WDHD1: variants seen among roughly 807,000 people sequenced by gnomAD.
WDHD1 encodes WD repeat and HMG-box DNA binding protein 1.
WDHD1 carries 111 observed loss-of-function variants against 135.4 expected under a neutral mutation model. That is an observed-to-expected ratio of 0.82 (90% CI 0.70 to 0.96). The LOEUF (loss-of-function observed/expected upper bound fraction) is 0.96. WDHD1 is among the 40% of genes least tolerant of loss of function. The probability of loss-of-function intolerance (pLI) is 0.00; values close to 1 mark genes in which losing one functional copy is unlikely to be tolerated. For missense variants in WDHD1, 1,351 were observed against 1,336.3 expected (o/e 1.01, Z -0.17); for synonymous variants, 434 against 439.0 (o/e 0.99, Z 0.14).
In WDHD1 at chr14:54,967,304, A is replaced by T; in HGVS notation, c.2154T>A (p.Ile718=). The stretch of plus-strand genomic sequence containing the variant: ...CCTCCATTTGTCCTTTCTCTGTTGC[A>T]ATCTGACAGTAAGGAAGCTTAAAGG... ...ILSFKLPYCQ[I]ATEKGQMEEQ... Residue 718 remains isoleucine (I), a synonymous_variant, in exon 17 of 26, where the codon ATT becomes ATA. Transcript: ENST00000360586. 6.2e-7 allele frequency: 1 copy of T among 1,611,990 alleles called. No individual in the cohort carries two copies. The highest frequency in any genetic ancestry group is 8.5e-7 in the Non-Finnish European group (1 of 1,178,610).
At chr14:54,983,164 A>G (rs1050242456) in intron 15 of WDHD1, among the ~76,000 whole-genome samples, 2 of 151,866 alleles carry the variant, frequency 1.3e-5, no homozygotes, top group Admixed American at 6.6e-5. Flanking sequence ...ACTCTGCGTC[A>G]AAAAAACCAC....
rs1271406087 is a variant in WDHD1 at position 55,008,646 on chromosome 14, C to T, written c.415G>A (p.Val139Ile). 1 of 1,612,484 alleles carries T rather than the reference C, an allele frequency of 6.2e-7. No homozygotes were observed. Among genetic ancestry groups the T allele is most frequent in the East Asian group, 2.2e-5 (1 of 44,864 alleles). ...QKTFRGHDAP[V>I]LSLSFDPKDI... is the part of the protein sequence containing the mutation. ...TTAGGATCAAAGGAAAGACTTAAAA[C>T]AGGGGCATCATGTCCTCGAAATGTT... The change falls in exon 5 of 26, where the codon GTT becomes ATT. Residue 139 changes from valine to isoleucine, a missense_variant. Coordinates refer to ENST00000360586, the MANE Select transcript of WDHD1 (RefSeq NM_007086.4).
intron 24 of WDHD1, among the ~76,000 whole-genome samples, chr14:54,954,822 C>A (rs1249715005): frequency 6.6e-6 from 1 of 152,098 alleles, no homozygotes; most frequent in Non-Finnish European, 1.5e-5. Flanking sequence ...CTCCGCGTCC[C>A]GGGTTCAAGT....
At chr14:55,005,700 C>A in intron 7 of WDHD1, 1 of 471,710 alleles carries the variant, frequency 2.1e-6, no homozygotes, top group South Asian at 1.9e-5. Flanking sequence ...TGAAAGTTTC[C>A]CTTTAAGTTA....
chr14:54,991,140 CA>C, intron 12 of WDHD1, 72 bp downstream of exon 12: 3 of 796,064 alleles, frequency 3.8e-6, no homozygotes, highest in Non-Finnish European at 6.0e-6. Context: ...ATGTTTTATC[CA>C]AAAAAATTAA....
At chr14:54,965,097 C>T (rs984259785) in intron 18 of WDHD1, among the ~76,000 whole-genome samples, 1 of 152,122 alleles carries the variant, frequency 6.6e-6, no homozygotes, top group Admixed American at 6.5e-5. Context: ...CTCTAAGAAC[C>T]TTTTTTCTCC....
chr14:54,947,564 A>G (rs1308843980), intron 24 of WDHD1, among the ~76,000 whole-genome samples: 1 of 152,146 alleles, frequency 6.6e-6, no homozygotes, highest in Non-Finnish European at 1.5e-5. Flanking sequence ...GAGATATATT[A>G]TGGTAAAAAT....
In WDHD1 at chr14:54,991,117, A is replaced by G. The variant is rs1395225839; in HGVS notation, c.1341+96T>C. On this transcript the variant is annotated intron_variant, in intron 12 of 25. Coordinates refer to ENST00000360586, the MANE Select transcript of WDHD1 (RefSeq NM_007086.4). The stretch of plus-strand genomic sequence containing the variant: ...AAAGTGCTCCAGGCTACTTAATCAA[A>G]GTTTTTAAAAATATGTTTTATCCAA... The G allele has an allele frequency of 7.7e-6, 5 of 649,868 alleles. No individual in the cohort carries two copies. The East Asian group carries it at 1.4e-4, about 18-fold the overall frequency. 40.3% of individuals were successfully genotyped at this position (649,868 alleles called of 1,614,324 possible). A position where few individuals can be genotyped will look rare whatever the true frequency, so the allele number is the denominator to read the frequency against.
Position 54,987,221 on chromosome 14 carries a change from C to T in WDHD1, c.1693G>A (p.Glu565Lys). 1 of 1,614,130 alleles carries T rather than the reference C, an allele frequency of 6.2e-7. No homozygotes were observed. Among genetic ancestry groups the T allele is most frequent in the Non-Finnish European group, 8.5e-7 (1 of 1,180,016 alleles). The change falls in exon 14 of 26, where the codon GAG becomes AAG. Residue 565 changes from glutamate (E) to lysine (K), a missense_variant. This residue lies in a region of WDHD1 where 1,330 missense variants were observed against 1,296.1 expected (regional missense o/e 1.03). Transcript: ENST00000360586. ...ACAGGTCCAGCAAGGCTGAATACCT[C>T]TTTTTGAACCCCTCCAATAGTAAAC... ...RLFTIGGVQK[E>K]VFSLAGPVVS...
intron 11 of WDHD1, among the ~76,000 whole-genome samples, chr14:54,992,093 A>C (rs1406681586): frequency 6.6e-6 from 1 of 152,066 alleles, no homozygotes; most frequent in Non-Finnish European, 1.5e-5. Flanking sequence ...CCCTGTCTCT[A>C]CTGAAAATAC....
At position 54,997,972 on chromosome 14, in the gene WDHD1, G is replaced by A. The variant is rs557318366; in HGVS notation, c.943-2159C>T. On this transcript the variant is annotated intron_variant, in intron 10 of 25. Transcript: ENST00000360586. ...CATGTCTGTAACCCTAGCACTTTGG[G>A]GGGCTGCGGTGGGTGGATCACCTGA... Among the ~76,000 whole-genome samples, 340 of 152,068 alleles carry A rather than the reference G, an allele frequency of 2.2e-3. 2 individuals are homozygous for A. The highest frequency in any genetic ancestry group is 7.7e-3 in the African/African-American group (318 of 41,496).
At chr14:55,004,846 A>G (rs745385364) in intron 7 of WDHD1, 2 of 506,530 alleles carry the variant, frequency 3.9e-6, no homozygotes, top group Non-Finnish European at 7.8e-6. Flanking sequence ...CTATGCATTC[A>G]GTGGTCTGAG....
At chr14:54,952,634 A>G (rs976911665) in intron 24 of WDHD1, among the ~76,000 whole-genome samples, 8 of 152,242 alleles carry the variant, frequency 5.3e-5, no homozygotes, top group Non-Finnish European at 1.2e-4. Context: ...CAGAATTGGA[A>G]AAAACTACTT....
In WDHD1 at chr14:54,997,015, C is replaced by T. The variant is rs1289885358; in HGVS notation, c.943-1202G>A. ...CCATGTTGGCCAGGATGGTCTTGAT[C>T]TCTTGACCTCGTGATCCACCCGCCT... On this transcript the variant is annotated intron_variant, in intron 10 of 25. Coordinates refer to ENST00000360586, the MANE Select transcript of WDHD1 (RefSeq NM_007086.4). Among the ~76,000 whole-genome samples, 4 of 150,412 alleles carry T rather than the reference C, an allele frequency of 2.7e-5. No individual in the cohort carries two copies. The East Asian group carries it at 7.9e-4, about 30-fold the overall frequency.
Position 54,940,596 on chromosome 14 carries a change from T to G in WDHD1, c.*894A>C, listed in dbSNP as rs556829882. 24 of 152,308 alleles carry G rather than the reference T, an allele frequency of 1.6e-4. No homozygotes were observed. The highest frequency in any genetic ancestry group is 5.8e-4 in the African/African-American group (24 of 41,560). The allele number at this position is 152,308 out of a possible 1,614,324, so 9.4% of individuals were successfully genotyped here. On this transcript the variant is annotated 3_prime_UTR_variant, in exon 26 of 26. Transcript: ENST00000360586. ...AAAAATGTATGACATGATTAAACCT[T>G]GTTTGTTCAATATAAAATAAGAGTT... is the stretch of plus-strand genomic sequence containing the variant.
At chr14:54,981,508 G>A in intron 16 of WDHD1, 32 bp downstream of exon 16, 2 of 1,596,034 alleles carry the variant, frequency 1.3e-6, no homozygotes, top group Non-Finnish European at 8.5e-7. Flanking sequence ...TTTTTAAAAA[G>A]AGTCAACTTT....
At chr14:54,942,128 G>A (rs2040849036) in intron 25 of WDHD1, among the ~76,000 whole-genome samples, 1 of 152,006 alleles carries the variant, frequency 6.6e-6, no homozygotes, top group Non-Finnish European at 1.5e-5. Flanking sequence ...GCGGGCGCCT[G>A]TAGTCCCAGC....
Position 54,974,624 on chromosome 14 carries a change from G to A in WDHD1, c.2063+6916C>T, listed in dbSNP as rs150021228. ...GCAGATCACCTGAGCTCTGGAGATC[G>A]AGACCAGCCTGGGCAACCTGGCGAA... On this transcript the variant is annotated intron_variant, in intron 16 of 25. Coordinates refer to ENST00000360586, the MANE Select transcript of WDHD1 (RefSeq NM_007086.4). Among the ~76,000 whole-genome samples the A allele has an allele frequency of 2.6e-5, 4 of 151,800 alleles. No homozygotes were observed. The East Asian group carries it at 7.8e-4, about 29-fold the overall frequency.
chr14:55,005,169 T>C (rs3783646), intron 7 of WDHD1: 162,389 of 537,496 alleles, frequency 0.3, 25,049 homozygotes, highest in African/African-American at 0.38. Flanking sequence ...ATCCACCACA[T>C]CAATCCCACT....
Sources: gnomAD v4.1 joint callset for allele counts (sites outside exome capture counted in the v4.1 genomes callset) on GRCh38, gnomAD v4.1.1 for gene constraint, gnomAD v4.1.1 regional missense constraint, MANE v1.5 for transcripts, NCBI Gene and HGNC (gene_info 2026-07-23, HGNC 2026-07-21) for gene names.